FAM199X: variants seen among roughly 807,000 people sequenced by gnomAD.
FAM199X encodes family with sequence similarity 199, X-linked.
Under a neutral mutation model 22.9 loss-of-function variants are expected in FAM199X, and 4 were observed. The ratio of observed to expected loss-of-function variants is 0.17; its 90% CI spans 0.09 to 0.40. FAM199X has a LOEUF of 0.40. Among genes scored for constraint, FAM199X ranks in the 10% least tolerant of loss-of-function variants. FAM199X has a pLI of 1.00. For missense variants in FAM199X, 183 were observed against 306.8 expected, an observed-to-expected ratio of 0.60 and a Z score of 3.01; for synonymous variants, 101 against 112.3, an observed-to-expected ratio of 0.90 and a Z score of 0.64.
chrX:104,175,896 A>C, intron 2 of FAM199X, 54 bp downstream of exon 2: 1 of 900,250 alleles, frequency 1.1e-6, no homozygotes, highest in East Asian at 3.1e-5. Context: ...AGAAGTATAA[A>C]CTTTTCTTTT....
At chrX:104,169,612 G>C (rs1221924783) in intron 1 of FAM199X, among the ~76,000 whole-genome samples, 14 of 111,632 alleles carry the variant, frequency 1.3e-4, no homozygotes, top group African/African-American at 4.6e-4. Flanking sequence ...CTGTCATCCA[G>C]GCTAGAGTGC....
intron 1 of FAM199X, among the ~76,000 whole-genome samples, chrX:104,167,545 T>G (rs948767120): frequency 2.1e-4 from 23 of 109,570 alleles, no homozygotes; most frequent in Non-Finnish European, 4.2e-4. Flanking sequence ...GCTAGGAAAC[T>G]AGTCGATTCT....
At position 104,166,477 on chromosome X, in the gene FAM199X, G is replaced by A. The variant is rs1238895457; in HGVS notation, c.-309G>A. 1 of 157,009 alleles carries A rather than the reference G, an allele frequency of 6.4e-6. No individual in the cohort carries two copies. Among genetic ancestry groups the A allele is most frequent in the Non-Finnish European group, 1.2e-5 (1 of 81,201 alleles). The allele number at this position is 157,009 out of a possible 1,213,427, so 12.9% of individuals were successfully genotyped here. On this transcript the variant is annotated 5_prime_UTR_variant, in exon 1 of 6. Coordinates refer to ENST00000493442, the MANE Select transcript of FAM199X (RefSeq NM_207318.4). ...CAGTCGCAAGCGGCGAGCGCAGTGG[G>A]CGGGGCGGGCCTGGCCGGGCCGGGC... is the stretch of plus-strand genomic sequence containing the variant.
chrX:104,164,068 A>G (rs1188858422), upstream of FAM199X, among the ~76,000 whole-genome samples: 1 of 112,624 alleles, frequency 8.9e-6, no homozygotes, highest in Non-Finnish European at 1.9e-5. Flanking sequence ...TAAATTCTAC[A>G]TGTTCATAAA....
At chrX:104,184,745 T>C (rs1276254156) in intron 2 of FAM199X, among the ~76,000 whole-genome samples, 4 of 110,995 alleles carry the variant, frequency 3.6e-5, no homozygotes, top group African/African-American at 1.3e-4. Context: ...CTTAAAGTGT[T>C]TTACTTTATT....
intron 2 of FAM199X, among the ~76,000 whole-genome samples, chrX:104,180,915 C>T (rs1302290177): frequency 8.9e-6 from 1 of 112,236 alleles, no homozygotes; most frequent in Non-Finnish European, 1.9e-5. Flanking sequence ...AAGAAAAATG[C>T]TCACTACTTA....
rs1556381293 is a variant in FAM199X at position 104,195,040 on chromosome X, T to C, written c.*5262T>C. The C allele has an allele frequency of 4.5e-5, 5 of 110,494 alleles. No homozygotes were observed. The allele number at this position is 110,494 out of a possible 1,213,427, so 9.1% of individuals were successfully genotyped here. On this transcript the variant is annotated 3_prime_UTR_variant, in exon 6 of 6. Transcript: ENST00000493442. The stretch of plus-strand genomic sequence containing the variant: ...TAACAATAGTTGTATCATAAGTCGT[T>C]TCTATTTTGAGTTCCTTCTTGTACT...
chrX:104,182,020 C>G (rs1921670207), intron 2 of FAM199X, among the ~76,000 whole-genome samples: 1 of 93,208 alleles, frequency 1.1e-5, no homozygotes, highest in Admixed American at 1.2e-4. Context: ...TGTAATCTTA[C>G]TCTGTCGTCC....
the FAM199X span, among the ~76,000 whole-genome samples, chrX:104,158,967 C>T: frequency 8.9e-6 from 1 of 111,800 alleles, no homozygotes; most frequent in Non-Finnish European, 1.9e-5. Context: ...TATTTTTTCC[C>T]CCAACACCCA....
upstream of FAM199X, among the ~76,000 whole-genome samples, chrX:104,164,077 A>C (rs1486906540): frequency 8.9e-6 from 1 of 112,770 alleles, no homozygotes; most frequent in Non-Finnish European, 1.9e-5. Context: ...CATGTTCATA[A>C]AGCTCTTGTA....
chrX:104,191,477 C>T lies in FAM199X; in HGVS notation c.*1699C>T, dbSNP rs924876037. 1 of 111,693 alleles carries T rather than the reference C, an allele frequency of 9.0e-6. No individual in the cohort carries two copies. Among genetic ancestry groups the T allele is most frequent in the African/African-American group, 3.2e-5 (1 of 30,776 alleles). The allele number at this position is 111,693 out of a possible 1,213,427, so 9.2% of individuals were successfully genotyped here. On this transcript the variant is annotated 3_prime_UTR_variant, in exon 6 of 6. Transcript: ENST00000493442. Reference sequence around the variant, plus strand: ...GTAGTCTTTCTTACTTTCCCCCTTCCCCTCTTTGGTTCTCCTAACCAGCTT... The same window carrying T: ...GTAGTCTTTCTTACTTTCCCCCTTCTCCTCTTTGGTTCTCCTAACCAGCTT...
intron 4 of FAM199X, among the ~76,000 whole-genome samples, chrX:104,187,123 T>G (rs1204434037): frequency 1.9e-5 from 2 of 104,706 alleles, no homozygotes; most frequent in African/African-American, 7.1e-5. Context: ...TGAGACAGAG[T>G]CTCACTCTGG....
chrX:104,185,144 CA>C (rs1269884933), intron 2 of FAM199X, among the ~76,000 whole-genome samples: 1 of 104,452 alleles, frequency 9.6e-6, no homozygotes, highest in Non-Finnish European at 1.9e-5. Context: ...TAGGCTCAAG[CA>C]GTCCTCCTGC....
intron 1 of FAM199X, among the ~76,000 whole-genome samples, chrX:104,167,312 G>T (rs1556374250): frequency 1.1e-5 from 1 of 86,978 alleles, no homozygotes; most frequent in Non-Finnish European, 2.1e-5. Context: ...TTTTAGATAC[G>T]CCCCTGTTTG....
At chrX:104,177,401 G>A (rs1602517193) in intron 2 of FAM199X, among the ~76,000 whole-genome samples, 1 of 111,978 alleles carries the variant, frequency 8.9e-6, no homozygotes, top group South Asian at 3.7e-4. Context: ...CTTTTTGGCT[G>A]TTATAAATAA....
chrX:104,160,453 T>C, the FAM199X span, among the ~76,000 whole-genome samples: 1 of 113,044 alleles, frequency 8.8e-6, no homozygotes, highest in South Asian at 3.6e-4. Context: ...TAGACACTGC[T>C]ATAATAGCAT....
intron 1 of FAM199X, among the ~76,000 whole-genome samples, chrX:104,168,219 A>G (rs1288401918): frequency 8.9e-6 from 1 of 112,465 alleles, no homozygotes; most frequent in Non-Finnish European, 1.9e-5. Context: ...GTGGCAGTAA[A>G]TTTATTATGA....
At chrX:104,185,494 T>G (rs183946390) in intron 2 of FAM199X, among the ~76,000 whole-genome samples, 21 of 112,379 alleles carry the variant, frequency 1.9e-4, no homozygotes, top group African/African-American at 6.8e-4. Flanking sequence ...AAAACATCTT[T>G]CATTGAATAA....
chrX:104,188,465 C>T (rs1299637021), intron 5 of FAM199X, among the ~76,000 whole-genome samples, 159 bp downstream of exon 5: 1 of 112,003 alleles, frequency 8.9e-6, no homozygotes, highest in Non-Finnish European at 1.9e-5. Flanking sequence ...GAACAAAGCA[C>T]TCTAGGCTGA....
Sources: gnomAD v4.1 joint callset for allele counts (sites outside exome capture counted in the v4.1 genomes callset) on GRCh38, gnomAD v4.1.1 for gene constraint, MANE v1.5 for transcripts, NCBI Gene and HGNC (gene_info 2026-07-23, HGNC 2026-07-21) for gene names.